OPCML: variants seen among roughly 807,000 people sequenced by gnomAD.
OPCML encodes the protein opioid-binding protein/cell adhesion molecule.
In OPCML, 13 loss-of-function variants were observed where a neutral mutation model predicts 37.8. The ratio of observed to expected loss-of-function variants is 0.34; its 90% confidence interval spans 0.22 to 0.55. The LOEUF (loss-of-function observed/expected upper bound fraction) is 0.55. OPCML is among the 20% of genes least tolerant of loss of function. The probability of loss-of-function intolerance (pLI) is 0.91; values close to 1 mark genes in which losing one functional copy is unlikely to be tolerated. For synonymous variants in OPCML, 176 were observed against 168.8 expected (o/e 1.04, Z -0.33); for missense variants, 341 against 435.6 (o/e 0.78, Z 1.93).
At chr11:133,140,913 A>C (rs1218701468) in intron 1 of OPCML, among the ~76,000 whole-genome samples, 205 of 16,006 alleles carry the variant, frequency 0.013, 31 homozygotes, top group African/African-American at 0.028. Flanking sequence ...ACGACGAAGA[A>C]GAAGAAGACG....
chr11:132,494,747 CA>C lies in OPCML; in HGVS notation c.505+34313del, dbSNP rs574401260. Among the ~76,000 whole-genome samples, 330 of 152,194 alleles carry C rather than the reference CA, an allele frequency of 2.2e-3. 6 individuals carry two copies. The highest frequency in any genetic ancestry group is 0.021 in the Admixed American group (314 of 15,302). Reference sequence around the variant, plus strand: ...ATGGCCTATAATATTTTTTAAAAAACAAAACAAAAACTGAACATTTGTTGCA... The same window carrying C: ...ATGGCCTATAATATTTTTTAAAAAACAAACAAAAACTGAACATTTGTTGCA... On this transcript the variant is annotated intron_variant, in intron 4 of 7. Transcript: ENST00000524381.
At chr11:132,828,309 C>A (rs1940483964) in intron 2 of OPCML, among the ~76,000 whole-genome samples, 1 of 152,236 alleles carries the variant, frequency 6.6e-6, no homozygotes, top group African/African-American at 2.4e-5. Flanking sequence ...GATACTACAA[C>A]AACAGATACA....
At chr11:132,951,343 G>C (rs1385569584) in intron 1 of OPCML, among the ~76,000 whole-genome samples, 2 of 152,170 alleles carry the variant, frequency 1.3e-5, no homozygotes, top group Admixed American at 1.3e-4. Context: ...TCCGACGAGG[G>C]CTCTCTTTCT....
rs546870949 is a variant in OPCML at position 133,098,649 on chromosome 11, A to T, written c.62-155639T>A. ...CATTCATGATAAAATCTCTTAGCAA[A>T]CTAGGAATAGGAAGAAAATTTTAAA... On this transcript the variant is annotated intron_variant, in intron 1 of 7. Coordinates refer to ENST00000524381, the MANE Select transcript of OPCML (RefSeq NM_001012393.5). 1.3e-3 allele frequency among the ~76,000 whole-genome samples: 203 copies of T among 152,314 alleles called. 2 individuals are homozygous for T. The highest frequency in any genetic ancestry group is 1.4e-3 in the African/African-American group (58 of 41,566).
chr11:132,552,407 T>G (rs2096383774), intron 3 of OPCML, among the ~76,000 whole-genome samples: 1 of 152,208 alleles, frequency 6.6e-6, no homozygotes, highest in African/African-American at 2.4e-5. Context: ...CCTTCTCCAG[T>G]GTTCCCCATA....
intron 2 of OPCML, among the ~76,000 whole-genome samples, chr11:132,666,051 G>A (rs116809374): frequency 0.013 from 1,966 of 152,288 alleles, 31 homozygotes; most frequent in African/African-American, 0.035. Context: ...CATGAAGCTC[G>A]CAGATTTGAG....
At chr11:133,055,427 C>T (rs1048829649) in intron 1 of OPCML, among the ~76,000 whole-genome samples, 1 of 148,824 alleles carries the variant, frequency 6.7e-6, no homozygotes, top group Non-Finnish European at 1.5e-5. Context: ...TATAATGCTG[C>T]CTCTATGATA....
chr11:132,441,342 G>T (rs1193124544), intron 4 of OPCML, among the ~76,000 whole-genome samples: 3 of 150,738 alleles, frequency 2.0e-5, no homozygotes, highest in Admixed American at 6.6e-5. Flanking sequence ...TAATTTTTTT[G>T]TATTTTTAGT....
chr11:133,369,386 A>C (rs954509780), intron 1 of OPCML, among the ~76,000 whole-genome samples: 1 of 152,214 alleles, frequency 6.6e-6, no homozygotes, highest in Non-Finnish European at 1.5e-5. Context: ...GACAATGTAG[A>C]AAAGCTCCCC....
chr11:133,274,694 A>G (rs1335086239), intron 1 of OPCML, among the ~76,000 whole-genome samples: 2 of 152,196 alleles, frequency 1.3e-5, no homozygotes, highest in African/African-American at 4.8e-5. Context: ...GACTGCCCCA[A>G]CTTCCAGGAG....
intron 2 of OPCML, among the ~76,000 whole-genome samples, chr11:132,690,787 G>A (rs1943370829): frequency 6.6e-6 from 1 of 152,160 alleles, no homozygotes. Context: ...TAAGAAAGAG[G>A]CAGGAACTCA....
intron 1 of OPCML, among the ~76,000 whole-genome samples, chr11:132,995,196 C>A (rs1946859115): frequency 6.6e-6 from 1 of 152,108 alleles, no homozygotes; most frequent in East Asian, 1.9e-4. Context: ...GAGCGGGTAG[C>A]TCAAGAATGA....
At chr11:132,721,101 T>C (rs1036948779) in intron 2 of OPCML, among the ~76,000 whole-genome samples, 2 of 151,750 alleles carry the variant, frequency 1.3e-5, no homozygotes, top group Non-Finnish European at 2.9e-5. Context: ...GTTTGATTGC[T>C]CATTCATTCA....
chr11:133,469,911 C>T (rs190364522), intron 1 of OPCML, among the ~76,000 whole-genome samples: 1 of 152,348 alleles, frequency 6.6e-6, no homozygotes, highest in East Asian at 1.9e-4. Context: ...CTGGAACCAA[C>T]TAAGTTCACA....
intron 1 of OPCML, chr11:133,299,394 T>C (rs1007639720): frequency 2.0e-5 from 3 of 152,266 alleles, no homozygotes; most frequent in Non-Finnish European, 4.4e-5. Flanking sequence ...CTGAGGCCAA[T>C]AGTGGCAAAG....
At chr11:133,110,894 C>T (rs554696054) in intron 1 of OPCML, among the ~76,000 whole-genome samples, 1 of 152,262 alleles carries the variant, frequency 6.6e-6, no homozygotes, top group African/African-American at 2.4e-5. Flanking sequence ...AAACCTGACT[C>T]TGAACACTCA....
chr11:133,232,364 T>C (rs1365649167), intron 1 of OPCML, among the ~76,000 whole-genome samples: 1 of 152,202 alleles, frequency 6.6e-6, no homozygotes, highest in South Asian at 2.1e-4. Context: ...AAAGAGGTAA[T>C]AAAATCTCCC....
chr11:133,334,314 G>A (rs910180927), intron 1 of OPCML, among the ~76,000 whole-genome samples: 4 of 151,838 alleles, frequency 2.6e-5, no homozygotes, highest in Admixed American at 2.6e-4. Context: ...ATGCAGCAGT[G>A]AAAAAAAAGA....
At chr11:133,244,550 G>T (rs571150139) in intron 1 of OPCML, among the ~76,000 whole-genome samples, 3 of 152,144 alleles carry the variant, frequency 2.0e-5, no homozygotes, top group Non-Finnish European at 4.4e-5. Flanking sequence ...ATCTCATGTC[G>T]AATTATAATC....
Sources: allele counts gnomAD v4.1 joint callset (sites outside exome capture counted in the v4.1 genomes callset), GRCh38; gene constraint gnomAD v4.1.1; transcripts MANE v1.5; gene names NCBI Gene and HGNC (gene_info 2026-07-23, HGNC 2026-07-21).